The following COL25A1 variants were observed in gnomAD, a reference collection of about 807,000 sequenced individuals.
COL25A1 encodes collagen type XXV alpha 1 chain.
COL25A1 carries 103 observed loss-of-function variants against 128.4 expected under a neutral mutation model. The observed-to-expected ratio is 0.80, with a 90% CI of 0.68 to 0.94. The LOEUF is 0.94. Ranked by LOEUF, COL25A1 falls within the 40% of genes least tolerant of loss-of-function variation. The pLI is 0.00. For missense variants in COL25A1, 745 were observed against 840.0 expected (o/e 0.89, Z 1.40); for synonymous variants, 279 against 277.2 (o/e 1.01, Z -0.06).
intron 3 of COL25A1, among the ~76,000 whole-genome samples, chr4:109,274,860 C>A (rs932499839): frequency 6.6e-6 from 1 of 152,108 alleles, no homozygotes; most frequent in Non-Finnish European, 1.5e-5. Flanking sequence ...TTATATAACA[C>A]ACGAATAATT....
At chr4:108,841,970 C>T (rs533595579) in intron 30 of COL25A1, among the ~76,000 whole-genome samples, 9 of 152,104 alleles carry the variant, frequency 5.9e-5, no homozygotes, top group Admixed American at 1.3e-4. Context: ...GAGAAATCTG[C>T]CAGGGTTACA....
At chr4:108,870,162 G>A (rs754832610) in intron 19 of COL25A1, among the ~76,000 whole-genome samples, 12 of 152,074 alleles carry the variant, frequency 7.9e-5, no homozygotes, top group South Asian at 2.1e-4. Context: ...AGACTGAGGC[G>A]GGAGGATCGT....
chr4:109,269,972 A>G (rs1301771787), intron 3 of COL25A1, among the ~76,000 whole-genome samples: 1 of 152,186 alleles, frequency 6.6e-6, no homozygotes, highest in Non-Finnish European at 1.5e-5. Flanking sequence ...CAAAAACCAC[A>G]TGATTATCTC....
intron 3 of COL25A1, among the ~76,000 whole-genome samples, chr4:109,248,513 G>A (rs1050796861): frequency 1.3e-4 from 20 of 152,184 alleles, no homozygotes; most frequent in African/African-American, 4.3e-4. Flanking sequence ...GCTTGCCTCC[G>A]CTGACACAGC....
At chr4:109,213,138 TAC>T (rs1777709580) in intron 3 of COL25A1, among the ~76,000 whole-genome samples, 2 of 152,210 alleles carry the variant, frequency 1.3e-5, no homozygotes, top group African/African-American at 4.8e-5. Flanking sequence ...ATTTCTAGAA[TAC>T]TAATTATTAA....
chr4:108,983,622 G>A (rs929823677), intron 6 of COL25A1, among the ~76,000 whole-genome samples: 4 of 152,110 alleles, frequency 2.6e-5, no homozygotes, highest in African/African-American at 9.7e-5. Flanking sequence ...CAGCTCTTAA[G>A]GTGGCGCATC....
rs530662504 is a variant in COL25A1, at chr4:108,910,956, G to T, written c.780+7216C>A. 4.6e-5 allele frequency among the ~76,000 whole-genome samples: 7 copies of T among 152,300 alleles called. No homozygotes were observed. In the East Asian group the frequency reaches 1.4e-3, roughly 29 times the overall value. ...CTAATCCCACTGATGCTGTCTCACA[G>T]TTGGATCATGGCTACCCCTTGGCAA... is the stretch of plus-strand genomic sequence containing the variant. On this transcript the variant is annotated intron_variant, in intron 13 of 37. Transcript: ENST00000399132.
rs572676988 is a variant in COL25A1, at chr4:109,234,092, C to T, written c.367+66491G>A. 4.2e-4 allele frequency among the ~76,000 whole-genome samples: 64 copies of T among 152,236 alleles called. 1 individual carries two copies. Among genetic ancestry groups the T allele is most frequent in the African/African-American group, 1.5e-3 (62 of 41,564 alleles). ...GCCTTATTCAATCTTACTGCATTATCACATTATAGAAAAAATAATGGGTAG... is the reference window on the plus strand; with the variant it reads ...GCCTTATTCAATCTTACTGCATTATTACATTATAGAAAAAATAATGGGTAG... On this transcript the variant is annotated intron_variant, in intron 3 of 37. Coordinates refer to ENST00000399132, the MANE Select transcript of COL25A1 (RefSeq NM_198721.4).
chr4:109,086,217 A>C (rs1764357806), intron 3 of COL25A1, among the ~76,000 whole-genome samples: 1 of 152,206 alleles, frequency 6.6e-6, no homozygotes, highest in Non-Finnish European at 1.5e-5. Flanking sequence ...AGCATAACAA[A>C]TTTGAACCTT....
intron 5 of COL25A1, among the ~76,000 whole-genome samples, chr4:109,024,777 T>TCTAA (rs10642402): frequency 0.51 from 77,166 of 151,394 alleles, 22,336 homozygotes; most frequent in African/African-American, 0.77. Flanking sequence ...AATTCGAGTT[T>TCTAA]CTTTCTTCCA....
intron 5 of COL25A1, among the ~76,000 whole-genome samples, chr4:109,019,373 C>CATAT (rs1271683280): frequency 1.1e-3 from 36 of 31,888 alleles, no homozygotes; most frequent in African/African-American, 3.1e-3. Context: ...CACACACACA[C>CATAT]ACATATATAT....
At chr4:108,956,011 T>C (rs74956618) in intron 8 of COL25A1, among the ~76,000 whole-genome samples, 6,628 of 152,206 alleles carry the variant, frequency 0.044, 371 homozygotes, top group African/African-American at 0.13. Context: ...ATTCGTATCA[T>C]TTTTTTGGGA....
chr4:108,913,357 T>G (rs1402322186), intron 13 of COL25A1, among the ~76,000 whole-genome samples: 1 of 148,558 alleles, frequency 6.7e-6, no homozygotes, highest in Non-Finnish European at 1.5e-5. Flanking sequence ...AACCTCCGCC[T>G]CCAGGGTTCT....
chr4:109,016,991 GAA>G (rs1463508902), intron 5 of COL25A1, among the ~76,000 whole-genome samples: 1 of 152,228 alleles, frequency 6.6e-6, no homozygotes, highest in Non-Finnish European at 1.5e-5. Context: ...CAGAAAAAAA[GAA>G]GAGCTGTGGC....
intron 8 of COL25A1, among the ~76,000 whole-genome samples, chr4:108,956,292 A>G (rs1242593256): frequency 6.6e-6 from 1 of 152,206 alleles, no homozygotes; most frequent in African/African-American, 2.4e-5. Flanking sequence ...ATCTGAACTG[A>G]AAATCAATGA....
intron 37 of COL25A1, among the ~76,000 whole-genome samples, chr4:108,816,967 A>T (rs1332609689): frequency 6.6e-6 from 1 of 152,204 alleles, no homozygotes; most frequent in African/African-American, 2.4e-5. Flanking sequence ...ACATCATTAA[A>T]CAAATGATGC....
intron 35 of COL25A1, among the ~76,000 whole-genome samples, chr4:108,822,337 C>A (rs111817993): frequency 4.6e-5 from 7 of 152,210 alleles, no homozygotes; most frequent in Admixed American, 2.0e-4. Context: ...AGCCACCACG[C>A]CCGGCGGTAA....
At chr4:109,061,147 C>A (rs1761932677) in intron 3 of COL25A1, among the ~76,000 whole-genome samples, 1 of 152,164 alleles carries the variant, frequency 6.6e-6, no homozygotes, top group Non-Finnish European at 1.5e-5. Context: ...TCACTTTTGC[C>A]TAATCCTTGG....
intron 11 of COL25A1, among the ~76,000 whole-genome samples, chr4:108,933,269 T>A (rs919119324): frequency 1.3e-5 from 2 of 152,218 alleles, no homozygotes; most frequent in Non-Finnish European, 2.9e-5. Flanking sequence ...AACTCTCTAG[T>A]GCCTCTTAAG....
Sources: gnomAD v4.1 joint callset for allele counts (sites outside exome capture counted in the v4.1 genomes callset) on GRCh38, gnomAD v4.1.1 for gene constraint, MANE v1.5 for transcripts, NCBI Gene and HGNC (gene_info 2026-07-23, HGNC 2026-07-21) for gene names.